The following STARD9 variants were observed in gnomAD, a reference collection of about 807,000 sequenced individuals.
STARD9 encodes the protein StAR related lipid transfer domain containing 9, also known as stAR-related lipid transfer protein 9.
STARD9 carries 346 observed loss-of-function variants against 399.8 expected under a neutral mutation model. The ratio of observed to expected loss-of-function variants is 0.87; its 90% confidence interval spans 0.79 to 0.95. The LOEUF is 0.95. STARD9 is among the 40% of genes least tolerant of loss of function. The probability of loss-of-function intolerance (pLI) is 0.00; values close to 1 mark genes in which losing one functional copy is unlikely to be tolerated. For missense variants in STARD9, 5,832 were observed against 5,667.5 expected, an observed-to-expected ratio of 1.03 and a Z score of -0.93; for synonymous variants, 2,203 against 2,143.5, an observed-to-expected ratio of 1.03 and a Z score of -0.77.
chr15:42,695,388 C>T lies in STARD9; in HGVS notation c.13146+65C>T, dbSNP rs961014260. The T allele has an allele frequency of 2.1e-5, 29 of 1,396,208 alleles. 1 individual carries two copies. Among genetic ancestry groups the T allele is most frequent in the Middle Eastern group, 1.8e-4 (1 of 5,426 alleles). The allele number at this position is 1,396,208 out of a possible 1,614,324, so 86.5% of individuals were successfully genotyped here. A position where few individuals can be genotyped will look rare whatever the true frequency, so the allele number is the denominator to read the frequency against. Reference sequence around the variant, plus strand: ...GGACCTCAGACTGGTACACCTTCACCGTGGCCGCCTCTGAGTCTTGGGACA... The same window carrying T: ...GGACCTCAGACTGGTACACCTTCACTGTGGCCGCCTCTGAGTCTTGGGACA... On this transcript the variant is annotated intron_variant, in intron 25 of 32. Coordinates refer to ENST00000290607, the MANE Select transcript of STARD9 (RefSeq NM_020759.3).
intron 3 of STARD9, among the ~76,000 whole-genome samples, chr15:42,630,297 C>A (rs2059308301): frequency 6.6e-6 from 1 of 152,100 alleles, no homozygotes; most frequent in South Asian, 2.1e-4. Flanking sequence ...ACCACCACGC[C>A]CAGCCTGAAT....
In STARD9 at chr15:42,684,109, T is replaced by C. The variant is rs1488243630; in HGVS notation, c.2538-7T>C. The stretch of plus-strand genomic sequence containing the variant: ...ATCTTCTGAGATAGCTTTCCTTGTC[T>C]TCACAGCATTTTCCTAAGTTGGGAT... On this transcript the variant is annotated splice_polypyrimidine_tract_variant and splice_region_variant and intron_variant, in intron 22 of 32. Coordinates refer to ENST00000290607, the MANE Select transcript of STARD9 (RefSeq NM_020759.3). The C allele has an allele frequency of 6.6e-7, 1 of 1,519,560 alleles. No individual in the cohort carries two copies. The highest frequency in any genetic ancestry group is 8.8e-7 in the Non-Finnish European group (1 of 1,134,690). 94.1% of individuals were successfully genotyped at this position (1,519,560 alleles called of 1,614,324 possible).
chr15:42,706,893 A>G (rs1335068984), intron 26 of STARD9, among the ~76,000 whole-genome samples: 2 of 152,136 alleles, frequency 1.3e-5, no homozygotes, highest in South Asian at 2.1e-4. Context: ...CCATCCATCT[A>G]TCTATTTTGG....
chr15:42,575,858 A>G lies in STARD9; in HGVS notation c.47+96A>G, dbSNP rs1395131543. The stretch of plus-strand genomic sequence containing the variant: ...CCTGCAGAGATTCTGGCGCGCAGAA[A>G]TCGGTGACAAAGTGACCCGGGGGGT... On this transcript the variant is annotated intron_variant, in intron 1 of 32. Transcript: ENST00000290607. The G allele has an allele frequency of 7.3e-6, 10 of 1,372,684 alleles. No homozygotes were observed. The African/African-American group carries it at 1.3e-4, about 18-fold the overall frequency. 85.0% of individuals were successfully genotyped at this position (1,372,684 alleles called of 1,614,324 possible).
Position 42,690,593 on chromosome 15 carries a change from T to A in STARD9, c.9015T>A (p.Tyr3005Ter), listed in dbSNP as rs1470013610. 2.0e-6 allele frequency: 3 copies of A among 1,537,232 alleles called. No homozygotes were observed. Among genetic ancestry groups the A allele is most frequent in the Non-Finnish European group, 8.7e-7 (1 of 1,146,906 alleles). The change falls in exon 23 of 33, where the codon TAT (tyrosine) becomes TAA (stop). Residue 3005 changes from tyrosine (Y) to a stop codon, truncating the protein, a stop_gained. Coordinates refer to ENST00000290607, the MANE Select transcript of STARD9 (RefSeq NM_020759.3). LOFTEE classifies it high-confidence loss of function. ...CCTGTGTAGTACCTTCCAGGGCCTA[T>A]GAAATGGATGAGACAGGAGAGATCT... ...HPPCVVPSRA[Y>*]EMDETGEISR...
chr15:42,658,828 G>A (rs1176934688), intron 9 of STARD9, among the ~76,000 whole-genome samples: 1 of 151,310 alleles, frequency 6.6e-6, no homozygotes, highest in East Asian at 2.0e-4. Context: ...AAAAAGAAAA[G>A]CAGGCCAGGT....
chr15:42,685,671 G>A lies in STARD9; in HGVS notation c.4093G>A (p.Glu1365Lys). The A allele has an allele frequency of 6.5e-7, 1 of 1,537,286 alleles. No individual in the cohort carries two copies. The highest frequency in any genetic ancestry group is 8.7e-7 in the Non-Finnish European group (1 of 1,146,942). Reference sequence around the variant, plus strand: ...TTTATGTCCAAGTCCTGATATGCAGGAATTTCACTCCTGTAAGGGGGAGAG... The same window carrying A: ...TTTATGTCCAAGTCCTGATATGCAGAAATTTCACTCCTGTAAGGGGGAGAG... Reference protein sequence around the residue: ...GSLCPSPDMQEFHSCKGERPG... With the variant: ...GSLCPSPDMQKFHSCKGERPG... The change falls in exon 23 of 33, where the codon GAA (glutamate) becomes AAA (lysine). Residue 1365 changes from glutamate to lysine, a missense_variant. By Grantham distance (56) the Glu-to-Lys change is moderately conservative. Coordinates refer to ENST00000290607, the MANE Select transcript of STARD9 (RefSeq NM_020759.3).
At chr15:42,706,716 C>T (rs1433038219) in intron 26 of STARD9, among the ~76,000 whole-genome samples, 13 of 152,158 alleles carry the variant, frequency 8.5e-5, no homozygotes, top group Non-Finnish European at 2.9e-5. Flanking sequence ...TCCCAAAATG[C>T]TGAGATTACA....
chr15:42,632,658 CAACTT>C (rs2059353052), intron 3 of STARD9, among the ~76,000 whole-genome samples: 1 of 151,984 alleles, frequency 6.6e-6, no homozygotes, highest in Non-Finnish European at 1.5e-5. Flanking sequence ...AAACTGATGA[CAACTT>C]AACACTGATT....
intron 7 of STARD9, among the ~76,000 whole-genome samples, chr15:42,647,264 C>A (rs1055384772): frequency 6.6e-6 from 1 of 152,164 alleles, no homozygotes; most frequent in African/African-American, 2.4e-5. Context: ...AGGTTTGATA[C>A]TTGTTCAAAT....
intron 26 of STARD9, among the ~76,000 whole-genome samples, chr15:42,712,522 T>C (rs1252203629): frequency 6.6e-6 from 1 of 152,136 alleles, no homozygotes; most frequent in African/African-American, 2.4e-5. Flanking sequence ...TGAATTTCAT[T>C]CTTTTCCATA....
In STARD9 at chr15:42,686,071, C is replaced by T; in HGVS notation, c.4493C>T (p.Pro1498Leu). The T allele has an allele frequency of 6.5e-7, 1 of 1,537,224 alleles. No homozygotes were observed. Among genetic ancestry groups the T allele is most frequent in the Non-Finnish European group, 8.7e-7 (1 of 1,146,886 alleles). ...QQKYLLELSC[P>L]VLEAIGAPKP... ...AAGTACCTCCTTGAACTCTCTTGTC[C>T]TGTTTTGGAGGCCATAGGAGCACCC... The change falls in exon 23 of 33, where the codon CCT becomes CTT. Residue 1498 changes from proline to leucine, a missense_variant. Coordinates refer to ENST00000290607, the MANE Select transcript of STARD9 (RefSeq NM_020759.3).
At chr15:42,624,404 A>G (rs2059155254) in intron 3 of STARD9, among the ~76,000 whole-genome samples, 1 of 152,092 alleles carries the variant, frequency 6.6e-6, no homozygotes, top group African/African-American at 2.4e-5. Context: ...TACTGTATTT[A>G]CATCAGAATT....
intron 26 of STARD9, among the ~76,000 whole-genome samples, chr15:42,699,800 G>A (rs1282020962): frequency 2.0e-5 from 3 of 151,924 alleles, no homozygotes; most frequent in South Asian, 2.1e-4. Flanking sequence ...TCCGTCTCCC[G>A]GGTTCAAGCG....
At chr15:42,588,776 GTTTTTTTT>G (rs758570571) in intron 3 of STARD9, among the ~76,000 whole-genome samples, 1 of 38,414 alleles carries the variant, frequency 2.6e-5, no homozygotes, top group African/African-American at 1.2e-4. Context: ...TCTTCACAGC[GTTTTTTTT>G]TTTTTTTTTT....
intron 3 of STARD9, among the ~76,000 whole-genome samples, chr15:42,595,842 G>T (rs1358404332): frequency 6.6e-6 from 1 of 152,184 alleles, no homozygotes; most frequent in Non-Finnish European, 1.5e-5. Context: ...GGGTTACCAT[G>T]AGTGTTTCAG....
At chr15:42,581,429 G>A (rs1390875107) in intron 1 of STARD9, 1 of 1,526,144 alleles carries the variant, frequency 6.6e-7, no homozygotes, top group Admixed American at 1.7e-5. Flanking sequence ...TGGCCACGGT[G>A]TGGGTGGGGA....
rs1377538272 is a variant in STARD9 at position 42,689,359 on chromosome 15, C to G, written c.7781C>G (p.Pro2594Arg). The G allele has an allele frequency of 6.5e-7, 1 of 1,537,290 alleles. No individual in the cohort carries two copies. The highest frequency in any genetic ancestry group is 1.2e-5 in the South Asian group (1 of 84,062). The change falls in exon 23 of 33, where the codon CCT becomes CGT. Residue 2594 changes from proline (P) to arginine (R), a missense_variant. Physicochemically the swap from Pro to Arg is moderately radical, Grantham distance 103. Transcript: ENST00000290607. ...PECSSRVAGR[P>R]QCKQIDQSSS... is the part of the protein sequence containing the mutation. ...TGTTCTTCAAGGGTTGCTGGCAGGCCTCAGTGTAAACAAATAGACCAGTCA... is the reference window on the plus strand; with the variant it reads ...TGTTCTTCAAGGGTTGCTGGCAGGCGTCAGTGTAAACAAATAGACCAGTCA...
intron 1 of STARD9, among the ~76,000 whole-genome samples, chr15:42,578,789 G>A (rs1595570552): frequency 6.6e-6 from 1 of 152,164 alleles, no homozygotes; most frequent in East Asian, 1.9e-4. Context: ...GCTTATTCCT[G>A]AGAGACATCA....
Sources: gnomAD v4.1 joint callset for allele counts (sites outside exome capture counted in the v4.1 genomes callset) on GRCh38, gnomAD v4.1.1 for gene constraint, MANE v1.5 for transcripts, NCBI Gene and HGNC (gene_info 2026-07-23, HGNC 2026-07-21) for gene names.